Variants in PCDHGA3 observed in about 807,000 individuals in gnomAD.
PCDHGA3 encodes protocadherin gamma-A3.
Under a neutral mutation model 58.5 loss-of-function variants are expected in PCDHGA3, and 40 were observed. The observed-to-expected ratio is 0.68, with a 90% CI of 0.53 to 0.89. PCDHGA3 has a LOEUF of 0.89. Ranked by LOEUF, PCDHGA3 falls within the 40% of genes least tolerant of loss-of-function variation. The probability of loss-of-function intolerance (pLI) is 0.00; values close to 1 mark genes in which losing one functional copy is unlikely to be tolerated. For synonymous variants in PCDHGA3, 530 were observed against 525.7 expected, an observed-to-expected ratio of 1.01 and a Z score of -0.11; for missense variants, 1,223 against 1,195.9, an observed-to-expected ratio of 1.02 and a Z score of -0.33.
rs753258464 is a variant in PCDHGA3, at chr5:141,388,966, G to T, written c.2424+42509G>T. ...CTAATTATGGAGGACGCCGAGCTGG[G>T]AACACATATTGCTTTGCTCAAAGTC... On this transcript the variant is annotated intron_variant, in intron 1 of 3. Coordinates refer to ENST00000253812, the MANE Select transcript of PCDHGA3 (RefSeq NM_018916.4). 15 of 1,613,896 alleles carry T rather than the reference G, an allele frequency of 9.3e-6. No homozygotes were observed. In the Admixed American group the frequency reaches 2.3e-4, roughly 25 times the overall value.
chr5:141,392,946 G>A, intron 1 of PCDHGA3: 2 of 1,613,940 alleles, frequency 1.2e-6, no homozygotes, highest in Non-Finnish European at 1.7e-6. Context: ...AGGCTCCTTC[G>A]TGGGTAATAT....
At chr5:141,392,819 C>A (rs1346235587) in intron 1 of PCDHGA3, 7 of 1,590,376 alleles carry the variant, frequency 4.4e-6, no homozygotes, top group Non-Finnish European at 6.0e-6. Context: ...CAACAATGGC[C>A]GCTCCACAGA....
chr5:141,502,242 CT>C (rs989546500), intron 2 of PCDHGA3, among the ~76,000 whole-genome samples: 27 of 151,950 alleles, frequency 1.8e-4, no homozygotes, highest in African/African-American at 6.3e-4. Context: ...TTCTTTTATC[CT>C]TTTTTTTAAT....
At chr5:141,371,188 T>C (rs1206989931) in intron 1 of PCDHGA3, 1 of 1,614,030 alleles carries the variant, frequency 6.2e-7, no homozygotes. Flanking sequence ...TTAAAAGTGA[T>C]GGCCATTGAC....
intron 1 of PCDHGA3, chr5:141,393,352 T>G: frequency 1.2e-6 from 2 of 1,613,956 alleles, no homozygotes; most frequent in African/African-American, 2.7e-5. Context: ...CACTTCTCCC[T>G]GGACGTGCAG....
chr5:141,349,089 G>C (rs1452300075), intron 1 of PCDHGA3, among the ~76,000 whole-genome samples: 2 of 152,104 alleles, frequency 1.3e-5, no homozygotes, highest in African/African-American at 4.8e-5. Context: ...GAATGTTTTT[G>C]AGACAGAGTC....
At chr5:141,453,932 C>T (rs57919166) in intron 1 of PCDHGA3, among the ~76,000 whole-genome samples, 2 of 152,296 alleles carry the variant, frequency 1.3e-5, no homozygotes, top group African/African-American at 4.8e-5. Context: ...TCACTGTGTG[C>T]CTATAATTTA....
chr5:141,365,279 A>T (rs1222527527), intron 1 of PCDHGA3: 1 of 1,613,978 alleles, frequency 6.2e-7, no homozygotes, highest in Non-Finnish European at 8.5e-7. Flanking sequence ...ATTCTACCTC[A>T]TGGAAGTGGT....
intron 1 of PCDHGA3, chr5:141,416,827 T>A (rs981344540): frequency 1.2e-4 from 18 of 152,268 alleles, no homozygotes; most frequent in African/African-American, 3.9e-4. Context: ...CCGAAGTTTC[T>A]CAAGACCCTT....
chr5:141,374,385 G>A (rs1588739577), intron 1 of PCDHGA3: 3 of 1,614,026 alleles, frequency 1.9e-6, no homozygotes, highest in African/African-American at 1.3e-5. Flanking sequence ...CAGAGCCCGC[G>A]GTGTCTGGTG....
chr5:141,375,822 G>T, intron 1 of PCDHGA3: 6 of 1,614,140 alleles, frequency 3.7e-6, no homozygotes, highest in Non-Finnish European at 5.1e-6. Flanking sequence ...CTGGCGCCCC[G>T]CTCCGCAGAG....
chr5:141,450,931 T>G (rs571428678), intron 1 of PCDHGA3, among the ~76,000 whole-genome samples: 2 of 151,650 alleles, frequency 1.3e-5, no homozygotes, highest in African/African-American at 4.8e-5. Flanking sequence ...TTCAAGCAAT[T>G]CTCCTACCTC....
chr5:141,487,109 G>A lies in PCDHGA3; in HGVS notation c.2425-7698G>A. 2 of 1,614,122 alleles carry A rather than the reference G, an allele frequency of 1.2e-6. No homozygotes were observed. Among genetic ancestry groups the A allele is most frequent in the Non-Finnish European group, 1.7e-6 (2 of 1,180,004 alleles). ...CCTCCCACCACAGAAGCTGGTCATTGTGGTAAAGGATAGTGGTAGTCCACC... is the reference window on the plus strand; with the variant it reads ...CCTCCCACCACAGAAGCTGGTCATTATGGTAAAGGATAGTGGTAGTCCACC... On this transcript the variant is annotated intron_variant, in intron 1 of 3. Transcript: ENST00000253812. This position sits in a 1 kb window ranked among gnomAD's most constrained non-coding sequence, Gnocchi z 5.0.
At chr5:141,422,849 C>G in intron 1 of PCDHGA3, 1 of 1,614,238 alleles carries the variant, frequency 6.2e-7, no homozygotes, top group East Asian at 2.2e-5. Flanking sequence ...AGCGGGGACC[C>G]GCCCCTCAGC....
At chr5:141,413,374 G>A (rs528233301) in intron 1 of PCDHGA3, 1 of 1,613,946 alleles carries the variant, frequency 6.2e-7, no homozygotes, top group East Asian at 2.2e-5. Context: ...GGCGGAGCGC[G>A]GAGTCCGCAT....
Position 141,487,500 on chromosome 5 carries a change from C to G in PCDHGA3, c.2425-7307C>G. 6.2e-7 allele frequency: 1 copy of G among 1,614,178 alleles called. No individual in the cohort carries two copies. Among genetic ancestry groups the G allele is most frequent in the East Asian group, 2.2e-5 (1 of 44,862 alleles). Reference sequence around the variant, plus strand: ...CACTCTCATGGCTGTACACCCTTGGCTTCTGCACCCACTCGGAGTGATAGC... The same window carrying G: ...CACTCTCATGGCTGTACACCCTTGGGTTCTGCACCCACTCGGAGTGATAGC... On this transcript the variant is annotated intron_variant, in intron 1 of 3. Coordinates refer to ENST00000253812, the MANE Select transcript of PCDHGA3 (RefSeq NM_018916.4). The surrounding 1 kb of genome is among the most constrained non-coding windows in gnomAD (Gnocchi z 5.0).
chr5:141,346,757 G>A (rs377180862), intron 1 of PCDHGA3, among the ~76,000 whole-genome samples: 100 of 152,326 alleles, frequency 6.6e-4, no homozygotes, highest in Middle Eastern at 3.4e-3. Context: ...AATTGTGACT[G>A]CTCCTTCTAC....
chr5:141,408,863 C>T, intron 1 of PCDHGA3: 1 of 1,613,604 alleles, frequency 6.2e-7, no homozygotes, highest in Non-Finnish European at 8.5e-7. Context: ...AGGGGACCCA[C>T]CAAGAAGTGC....
At chr5:141,364,203 C>G (rs1763215170) in intron 1 of PCDHGA3, 2 of 1,152,828 alleles carry the variant, frequency 1.7e-6, no homozygotes, top group Non-Finnish European at 1.2e-6. Flanking sequence ...ACAGACCAGA[C>G]AAGCTCCTAC....
Sources: gnomAD v4.1 joint callset for allele counts (sites outside exome capture counted in the v4.1 genomes callset) on GRCh38, gnomAD v4.1.1 for gene constraint, Gnocchi (gnomAD v3.1) non-coding constraint, MANE v1.5 for transcripts, NCBI Gene and HGNC (gene_info 2026-07-23, HGNC 2026-07-21) for gene names.